Variants in SYT2 observed in about 807,000 individuals in gnomAD.
The protein encoded by SYT2 is synaptotagmin 2.
SYT2 carries 15 observed loss-of-function variants against 39.9 expected under a neutral mutation model. The ratio of observed to expected loss-of-function variants is 0.38; its 90% CI spans 0.25 to 0.58. The LOEUF is 0.58. Among genes scored for constraint, SYT2 ranks in the 20% least tolerant of loss-of-function variants. The pLI is 0.70. For missense variants in SYT2, 389 were observed against 530.3 expected, an observed-to-expected ratio of 0.73 and a Z score of 2.62; for synonymous variants, 181 against 204.5, an observed-to-expected ratio of 0.89 and a Z score of 0.98.
Position 202,614,627 on chromosome 1 carries a change from T to C in SYT2, c.-17-8838A>G, listed in dbSNP as rs1182065527. 6.6e-6 allele frequency among the ~76,000 whole-genome samples: 1 copy of C among 152,234 alleles called. No homozygotes were observed. The highest frequency in any genetic ancestry group is 1.9e-4 in the East Asian group (1 of 5,204). On this transcript the variant is annotated intron_variant, in intron 1 of 8. Transcript: ENST00000367268. This position sits in a 1 kb window ranked among gnomAD's most constrained non-coding sequence, Gnocchi z 4.0. ...GTGAGCATTTATAATGGGGCATACG[T>C]GAATTAATCTGGGAAAGCAAAAGTG...
intron 1 of SYT2, among the ~76,000 whole-genome samples, chr1:202,649,379 G>A (rs1692150601): frequency 6.6e-6 from 1 of 152,216 alleles, no homozygotes; most frequent in African/African-American, 2.4e-5. Flanking sequence ...TGATATTGAT[G>A]AGGCTGACAG....
At chr1:202,672,509 C>G (rs1192284583) in intron 1 of SYT2, among the ~76,000 whole-genome samples, 1 of 151,822 alleles carries the variant, frequency 6.6e-6, no homozygotes, top group Non-Finnish European at 1.5e-5. Flanking sequence ...TATGGCATTT[C>G]ATTTTAGCGG....
chr1:202,643,738 G>A (rs910893699), intron 1 of SYT2, among the ~76,000 whole-genome samples: 5 of 152,200 alleles, frequency 3.3e-5, no homozygotes, highest in African/African-American at 4.8e-5. Flanking sequence ...CTGGGGGAGA[G>A]GGGTTTAAAC....
At chr1:202,621,661 G>T (rs565853090) in intron 1 of SYT2, among the ~76,000 whole-genome samples, 1 of 152,178 alleles carries the variant, frequency 6.6e-6, no homozygotes, top group Non-Finnish European at 1.5e-5. Context: ...CCCAGAAATC[G>T]CCTGACCTGC....
chr1:202,655,099 G>A, intron 1 of SYT2, among the ~76,000 whole-genome samples: 1 of 152,112 alleles, frequency 6.6e-6, no homozygotes, highest in South Asian at 2.1e-4. Flanking sequence ...AGAGCATGAG[G>A]TGGGTGTTGA....
intron 3 of SYT2, chr1:202,604,218 T>C: frequency 2.0e-6 from 1 of 490,088 alleles, no homozygotes; most frequent in Non-Finnish European, 3.6e-6. Flanking sequence ...GTCAATATAT[T>C]GTTCTCCTTC....
At position 202,698,115 on chromosome 1, in the gene SYT2, C is replaced by CCCT. The variant is rs202103079; in HGVS notation, c.-18+12142_-18+12143insAGG. On this transcript the variant is annotated intron_variant, in intron 1 of 8. Coordinates refer to ENST00000367268, the MANE Select transcript of SYT2 (RefSeq NM_177402.5). ...GGGCAGCGTCCAGGGTCTCACCACC[C>CCCT]CCCCAAGGAAAGTTCACTCTGCTCA... 4.3e-3 allele frequency among the ~76,000 whole-genome samples: 659 copies of CCCT among 151,596 alleles called. 3 individuals are homozygous for CCCT. In the Middle Eastern group the frequency reaches 0.065, roughly 15 times the overall value.
At chr1:202,622,375 C>T (rs1179980127) in intron 1 of SYT2, among the ~76,000 whole-genome samples, 1 of 152,182 alleles carries the variant, frequency 6.6e-6, no homozygotes, top group Non-Finnish European at 1.5e-5. Flanking sequence ...TGCATGCACA[C>T]CTCCACTTTG....
At chr1:202,636,932 G>A (rs1691754043) in intron 1 of SYT2, among the ~76,000 whole-genome samples, 1 of 152,192 alleles carries the variant, frequency 6.6e-6, no homozygotes, top group African/African-American at 2.4e-5. Flanking sequence ...TTTGAATACA[G>A]GCAACCTAGC....
At chr1:202,678,685 T>A (rs770469220) in intron 1 of SYT2, among the ~76,000 whole-genome samples, 9 of 152,176 alleles carry the variant, frequency 5.9e-5, no homozygotes, top group Admixed American at 5.2e-4. Flanking sequence ...CTGCCTCTGA[T>A]AGGATCCTGC....
chr1:202,644,122 C>A (rs1374073346), intron 1 of SYT2, among the ~76,000 whole-genome samples: 5 of 152,158 alleles, frequency 3.3e-5, no homozygotes, highest in Non-Finnish European at 7.4e-5. Context: ...AGCCCGCGGT[C>A]CCCACCCTCA....
At chr1:202,690,730 T>C (rs1419432262) in intron 1 of SYT2, among the ~76,000 whole-genome samples, 1 of 152,260 alleles carries the variant, frequency 6.6e-6, no homozygotes, top group Admixed American at 6.5e-5. Context: ...GCACTGGGTT[T>C]ACAACTAAAA....
chr1:202,608,023 A>G (rs1298371938), intron 1 of SYT2, among the ~76,000 whole-genome samples: 6 of 152,200 alleles, frequency 3.9e-5, no homozygotes, highest in Non-Finnish European at 5.9e-5. Flanking sequence ...TGCCACCTCA[A>G]AAAGAAACCC....
At chr1:202,691,019 A>G (rs1202337668) in intron 1 of SYT2, among the ~76,000 whole-genome samples, 1 of 152,150 alleles carries the variant, frequency 6.6e-6, no homozygotes, top group African/African-American at 2.4e-5. Flanking sequence ...ACATGCACAC[A>G]ACAGTCTTCT....
intron 1 of SYT2, among the ~76,000 whole-genome samples, chr1:202,696,759 G>C (rs1460037999): frequency 2.0e-5 from 3 of 152,228 alleles, no homozygotes; most frequent in Non-Finnish European, 2.9e-5. Context: ...CAACACTGAG[G>C]AGTGAGTAGA....
chr1:202,636,517 G>T, intron 1 of SYT2: 1 of 496,814 alleles, frequency 2.0e-6, no homozygotes, highest in Non-Finnish European at 2.6e-6. Context: ...TTTTAATGGG[G>T]ACCACTGAGG....
At chr1:202,622,609 C>A (rs996110728) in intron 1 of SYT2, among the ~76,000 whole-genome samples, 2 of 152,146 alleles carry the variant, frequency 1.3e-5, no homozygotes, top group African/African-American at 4.8e-5. Flanking sequence ...GAGGATTGAG[C>A]CCTTCCTGCA....
At chr1:202,643,318 A>G (rs1212466897) in intron 1 of SYT2, 1 of 151,016 alleles carries the variant, frequency 6.6e-6, no homozygotes, top group Non-Finnish European at 1.5e-5. Flanking sequence ...GCTGGTGGAG[A>G]GGGCGGGGGC....
intron 1 of SYT2, chr1:202,632,047 A>G (rs1295958388): frequency 2.9e-5 from 29 of 985,246 alleles, no homozygotes; most frequent in Admixed American, 6.2e-5. Context: ...TGACACTGCC[A>G]CTCTGCAGGA....
Sources: allele counts gnomAD v4.1 joint callset (sites outside exome capture counted in the v4.1 genomes callset), GRCh38; gene constraint gnomAD v4.1.1; non-coding constraint Gnocchi (gnomAD v3.1); transcripts MANE v1.5; gene names NCBI Gene and HGNC (gene_info 2026-07-23, HGNC 2026-07-21).